Variants in NUP93 observed in about 807,000 individuals in gnomAD.
The protein encoded by NUP93 is nucleoporin 93.
In NUP93, 55 loss-of-function variants were observed where a neutral mutation model predicts 107.8. The ratio of observed to expected loss-of-function variants is 0.51; its 90% confidence interval spans 0.41 to 0.64. The LOEUF (loss-of-function observed/expected upper bound fraction) is 0.64. NUP93 is among the 30% of genes least tolerant of loss of function. The pLI is 0.00. For missense variants in NUP93, 937 were observed against 1,044.7 expected, an observed-to-expected ratio of 0.90 and a Z score of 1.42; for synonymous variants, 390 against 397.5, an observed-to-expected ratio of 0.98 and a Z score of 0.22.
At chr16:56,742,326 G>A (rs1189766791) in intron 1 of NUP93, among the ~76,000 whole-genome samples, 1 of 152,156 alleles carries the variant, frequency 6.6e-6, no homozygotes, top group African/African-American at 2.4e-5. Flanking sequence ...AATACCTTAG[G>A]CCCAAGAGTT....
At chr16:56,735,490 G>A (rs1961596706) in intron 1 of NUP93, among the ~76,000 whole-genome samples, 5 of 152,228 alleles carry the variant, frequency 3.3e-5, no homozygotes, top group Admixed American at 2.0e-4. Context: ...GACTCACCTG[G>A]ATGGATCCCT....
chr16:56,783,699 G>A lies in NUP93; in HGVS notation c.298-14777G>A, dbSNP rs1198979053. The A allele has an allele frequency of 6.1e-6, 6 of 985,272 alleles. No homozygotes were observed. The Admixed American group carries it at 1.8e-4, about 30-fold the overall frequency. 61.0% of individuals were successfully genotyped at this position (985,272 alleles called of 1,614,324 possible). A position where few individuals can be genotyped will look rare whatever the true frequency, so the allele number is the denominator to read the frequency against. On this transcript the variant is annotated intron_variant, in intron 3 of 21. Transcript: ENST00000308159. ...TTTAACAATTAGCTGTATCATGGTC[G>A]AGGTGAGCTGTATTCTGAAGGCAGC...
In NUP93 at chr16:56,808,129, T is replaced by TA. The variant is rs376238976; in HGVS notation, c.489+2500dup. 9.3e-3 allele frequency among the ~76,000 whole-genome samples: 896 copies of TA among 96,692 alleles called. 87 individuals carry two copies. The highest frequency in any genetic ancestry group is 0.023 in the Middle Eastern group (4 of 172). 63.4% of individuals were successfully genotyped at this position (96,692 alleles called of 152,430 possible). On this transcript the variant is annotated intron_variant, in intron 5 of 21. Transcript: ENST00000308159. ...TATAAATATATATTATATAACTATA[T>TA]AAATATATTTATATAACTATATATA...
At chr16:56,833,074 G>A (rs1044885245) in intron 12 of NUP93, 141 bp from the exon 13 acceptor site, 2 of 675,086 alleles carry the variant, frequency 3.0e-6, no homozygotes, top group Non-Finnish European at 4.9e-6. Context: ...GGGCCCCCTT[G>A]ATCAATTCAG....
chr16:56,786,028 C>G (rs1416864353), intron 3 of NUP93, among the ~76,000 whole-genome samples: 1 of 152,126 alleles, frequency 6.6e-6, no homozygotes, highest in Non-Finnish European at 1.5e-5. Flanking sequence ...GGTGAAGTAG[C>G]ATTCCTACGA....
intron 11 of NUP93, 88 bp from the exon 12 acceptor site, chr16:56,832,207 T>C: frequency 7.8e-7 from 1 of 1,281,918 alleles, no homozygotes; most frequent in Non-Finnish European, 1.1e-6. Flanking sequence ...CTGACATCAT[T>C]GAGCATGGCT....
At chr16:56,784,276 G>A (rs1359597016) in intron 3 of NUP93, among the ~76,000 whole-genome samples, 2 of 152,118 alleles carry the variant, frequency 1.3e-5, no homozygotes, top group East Asian at 3.8e-4. Context: ...TTTAATTTTA[G>A]TGTCTTATTT....
chr16:56,804,552 A>G (rs992098887), intron 4 of NUP93, among the ~76,000 whole-genome samples: 22 of 152,078 alleles, frequency 1.4e-4, no homozygotes, highest in African/African-American at 5.1e-4. Flanking sequence ...GAGCTAAGAG[A>G]TGGTGGTGAT....
intron 3 of NUP93, among the ~76,000 whole-genome samples, chr16:56,779,755 CTT>C (rs1962478965): frequency 6.6e-6 from 1 of 152,154 alleles, no homozygotes; most frequent in African/African-American, 2.4e-5. Flanking sequence ...GAAATACCCT[CTT>C]AATTTATTTG....
chr16:56,738,600 A>T (rs574616193), intron 1 of NUP93, among the ~76,000 whole-genome samples: 1 of 152,122 alleles, frequency 6.6e-6, no homozygotes, highest in Non-Finnish European at 1.5e-5. Context: ...ACTTTCCAAC[A>T]ATTTTTTTTT....
At chr16:56,754,160 A>G (rs1207779444) in intron 2 of NUP93, among the ~76,000 whole-genome samples, 2 of 151,226 alleles carry the variant, frequency 1.3e-5, no homozygotes. Context: ...ACTCTTAAAC[A>G]ACCAAATCTT....
chr16:56,848,475 G>A lies in NUP93; in HGVS notation c.*3866G>A, dbSNP rs1426629322. On this transcript the variant is annotated 3_prime_UTR_variant, in exon 22 of 22. Transcript: ENST00000308159. ...TTAAACAGGAGTTGTCTAAACTGTG[G>A]AAGAAAATATCCCCCATTCTTTATC... is the stretch of plus-strand genomic sequence containing the variant. The A allele has an allele frequency of 1.3e-5, 2 of 152,174 alleles. No homozygotes were observed. The highest frequency in any genetic ancestry group is 2.9e-5 in the Non-Finnish European group (2 of 68,040). The allele number at this position is 152,174 out of a possible 1,614,324, so 9.4% of individuals were successfully genotyped here.
intron 3 of NUP93, among the ~76,000 whole-genome samples, chr16:56,786,369 G>A (rs1479360940): frequency 6.6e-6 from 1 of 152,154 alleles, no homozygotes; most frequent in Non-Finnish European, 1.5e-5. Context: ...AGTCGATTTT[G>A]CCCTAAATCT....
At chr16:56,755,972 G>T (rs544802912) in intron 2 of NUP93, among the ~76,000 whole-genome samples, 2 of 152,100 alleles carry the variant, frequency 1.3e-5, no homozygotes, top group African/African-American at 4.8e-5. Context: ...CTACTTGGGA[G>T]GCTGAGACAG....
chr16:56,785,107 G>A lies in NUP93; in HGVS notation c.298-13369G>A, dbSNP rs7197789. Among the ~76,000 whole-genome samples, 718 of 152,258 alleles carry A rather than the reference G, an allele frequency of 4.7e-3. 7 individuals are homozygous for A. The highest frequency in any genetic ancestry group is 0.016 in the African/African-American group (666 of 41,548). On this transcript the variant is annotated intron_variant, in intron 3 of 21. Coordinates refer to ENST00000308159, the MANE Select transcript of NUP93 (RefSeq NM_014669.5). Reference sequence around the variant, plus strand: ...AATGCAAAGGGATTCTTTTCCCTTGGTTTTTATGAGGCTTGCACCTTGAAA... The same window carrying A: ...AATGCAAAGGGATTCTTTTCCCTTGATTTTTATGAGGCTTGCACCTTGAAA...
rs1961910602 is a variant in NUP93, at chr16:56,751,095, A to G, written c.179+2669A>G. 4.6e-5 allele frequency among the ~76,000 whole-genome samples: 7 copies of G among 151,980 alleles called. No homozygotes were observed. In the South Asian group the frequency reaches 1.2e-3, roughly 27 times the overall value. ...CCCAGGAGGTTGGAGGGTGCCCATC[A>G]TCAATTGCATATCCCTCTTTTCTCA... On this transcript the variant is annotated intron_variant, in intron 2 of 21. Transcript: ENST00000308159.
At chr16:56,826,559 A>C (rs1012325191) in intron 8 of NUP93, among the ~76,000 whole-genome samples, 3 of 151,914 alleles carry the variant, frequency 2.0e-5, no homozygotes, top group African/African-American at 7.2e-5. Context: ...GGAACTCATT[A>C]ACATTTGTTA....
chr16:56,811,859 G>T (rs998090383), intron 5 of NUP93, among the ~76,000 whole-genome samples: 2 of 152,200 alleles, frequency 1.3e-5, no homozygotes, highest in Non-Finnish European at 2.9e-5. Flanking sequence ...AGTGTACACA[G>T]TCAGCATATT....
chr16:56,779,444 T>C (rs1338808746), intron 3 of NUP93, among the ~76,000 whole-genome samples: 4 of 152,194 alleles, frequency 2.6e-5, no homozygotes, highest in Non-Finnish European at 5.9e-5. Flanking sequence ...AAAGCCAAAA[T>C]ACAAAATTAA....
Sources: gnomAD v4.1 joint callset for allele counts (sites outside exome capture counted in the v4.1 genomes callset) on GRCh38, gnomAD v4.1.1 for gene constraint, MANE v1.5 for transcripts, NCBI Gene and HGNC (gene_info 2026-07-23, HGNC 2026-07-21) for gene names.